The following HS3ST5 variants were observed in gnomAD, a reference collection of about 807,000 sequenced individuals.
HS3ST5 encodes the protein heparan sulfate-glucosamine 3-sulfotransferase 5, also known as heparan sulfate glucosamine 3-O-sulfotransferase 5.
A neutral mutation model predicts 25.4 loss-of-function variants in HS3ST5; 10 were observed. That is an observed-to-expected ratio of 0.39 (90% confidence interval 0.24 to 0.67). The LOEUF (loss-of-function observed/expected upper bound fraction) is 0.67, where lower values mean the gene tolerates loss of function less well. HS3ST5 is among the 30% of genes least tolerant of loss of function. The pLI, the probability that HS3ST5 is intolerant of heterozygous loss-of-function variation, is 0.44. For missense variants in HS3ST5, 324 were observed against 420.7 expected (o/e 0.77, Z 2.01); for synonymous variants, 170 against 162.4 (o/e 1.05, Z -0.36).
intron 1 of HS3ST5, among the ~76,000 whole-genome samples, chr6:114,309,440 T>A (rs1020256591): frequency 1.3e-5 from 2 of 152,176 alleles, no homozygotes; most frequent in African/African-American, 2.4e-5. Flanking sequence ...TGGCCAGGTG[T>A]GGTGGCTCAC....
At chr6:114,185,450 T>C (rs948937168) in intron 2 of HS3ST5, among the ~76,000 whole-genome samples, 2 of 152,224 alleles carry the variant, frequency 1.3e-5, no homozygotes, top group African/African-American at 4.8e-5. Flanking sequence ...TCTTGGACTT[T>C]CAGCTTCCAG....
At chr6:114,113,277 A>G (rs1028526568) in intron 3 of HS3ST5, among the ~76,000 whole-genome samples, 4 of 151,880 alleles carry the variant, frequency 2.6e-5, no homozygotes, top group African/African-American at 9.7e-5. Flanking sequence ...AGATTAAACT[A>G]TTTCTTCACC....
rs78019039 is a variant in HS3ST5, at chr6:114,260,149, A to C, written c.-338-31371T>G. 3.8e-3 allele frequency among the ~76,000 whole-genome samples: 577 copies of C among 151,964 alleles called. 5 individuals carry two copies. The highest frequency in any genetic ancestry group is 0.013 in the African/African-American group (521 of 41,524). ...AGAATCTTAATAAATTCAATATCAT[A>C]ATGTTTCTCTTATTGAATAAAAACT... On this transcript the variant is annotated intron_variant, in intron 1 of 4. Transcript: ENST00000312719.
Position 114,136,186 on chromosome 6 carries a change from C to T in HS3ST5, c.-33+32165G>A, listed in dbSNP as rs376493471. On this transcript the variant is annotated intron_variant, in intron 3 of 4. Coordinates refer to ENST00000312719, the MANE Select transcript of HS3ST5 (RefSeq NM_153612.4). ...CTTTGATATGGTTTGGCTGTGTCCC[C>T]ACCTAAATCTCATCTTGAATTGTAG... Among the ~76,000 whole-genome samples, 13 of 152,346 alleles carry T rather than the reference C, an allele frequency of 8.5e-5. No homozygotes were observed. The South Asian group carries it at 2.5e-3, about 29-fold the overall frequency.
rs373191564 is a variant in HS3ST5, at chr6:114,062,881, C to T, written c.-32-4G>A. 4.6e-6 allele frequency: 7 copies of T among 1,524,904 alleles called. No individual in the cohort carries two copies. Among genetic ancestry groups the T allele is most frequent in the Admixed American group, 1.7e-5 (1 of 59,418 alleles). 94.5% of individuals were successfully genotyped at this position (1,524,904 alleles called of 1,614,324 possible). On this transcript the variant is annotated splice_region_variant and splice_polypyrimidine_tract_variant and intron_variant, in intron 3 of 4. Transcript: ENST00000312719. ...CAACCTTCAGGACTGCTGCAGCCTG[C>T]GATAGAAGGACTCATCAGCAGCCAT...
chr6:114,270,229 T>A (rs1490786969), intron 1 of HS3ST5, among the ~76,000 whole-genome samples: 1 of 152,198 alleles, frequency 6.6e-6, no homozygotes, highest in African/African-American at 2.4e-5. Flanking sequence ...ATTTTGCTAA[T>A]ATAAAGGCAA....
intron 3 of HS3ST5, among the ~76,000 whole-genome samples, chr6:114,067,261 C>T (rs1257737372): frequency 2.0e-5 from 3 of 152,122 alleles, no homozygotes; most frequent in South Asian, 2.1e-4. Context: ...TAAATAATTA[C>T]AGGACCAAAG....
intron 3 of HS3ST5, chr6:114,116,132 T>C (rs1432795372): frequency 6.6e-6 from 1 of 152,120 alleles, no homozygotes; most frequent in Non-Finnish European, 1.5e-5. Flanking sequence ...AAAAAGACTT[T>C]GGCGTTCTCA....
chr6:114,229,123 C>T (rs1771449393), intron 1 of HS3ST5, among the ~76,000 whole-genome samples: 1 of 152,172 alleles, frequency 6.6e-6, no homozygotes, highest in African/African-American at 2.4e-5. Context: ...TATTTCTTTA[C>T]ATGAGGCTCT....
chr6:114,274,283 T>C (rs183646396), intron 1 of HS3ST5, among the ~76,000 whole-genome samples: 2 of 152,076 alleles, frequency 1.3e-5, no homozygotes, highest in Admixed American at 6.6e-5. Context: ...AGAGAAGATA[T>C]GTGGAGTTTT....
chr6:114,131,716 G>A (rs1053454825), intron 3 of HS3ST5, among the ~76,000 whole-genome samples: 28 of 152,122 alleles, frequency 1.8e-4, no homozygotes, highest in Non-Finnish European at 1.3e-4. Flanking sequence ...ATCTGATTAC[G>A]TTTCTTTTTA....
intron 1 of HS3ST5, among the ~76,000 whole-genome samples, chr6:114,332,611 G>A (rs1156749021): frequency 1.3e-5 from 2 of 152,118 alleles, no homozygotes; most frequent in Admixed American, 1.3e-4. Flanking sequence ...AGGCACTGGA[G>A]ATATAGGTAC....
At position 114,057,125 on chromosome 6, in the gene HS3ST5, C is replaced by T; in HGVS notation, c.*132G>A. 2 of 636,316 alleles carry T rather than the reference C, an allele frequency of 3.1e-6. No homozygotes were observed. Among genetic ancestry groups the T allele is most frequent in the East Asian group, 2.7e-5 (1 of 37,012 alleles). 39.4% of individuals were successfully genotyped at this position (636,316 alleles called of 1,614,324 possible). On this transcript the variant is annotated 3_prime_UTR_variant, in exon 5 of 5. Transcript: ENST00000312719. ...AAAGAACTGATCTTATATTTGGTCACACACTGCGTATGTACAAATATACAT... is the reference window on the plus strand; with the variant it reads ...AAAGAACTGATCTTATATTTGGTCATACACTGCGTATGTACAAATATACAT...
In HS3ST5 at chr6:114,174,114, T is replaced by C. The variant is rs1258519517; in HGVS notation, c.-144-5652A>G. Reference sequence around the variant, plus strand: ...TTCCCACTCTACCCTGCCTGGCCCATTCATTCATCCAGAGCTGCTTTCAAT... The same window carrying C: ...TTCCCACTCTACCCTGCCTGGCCCACTCATTCATCCAGAGCTGCTTTCAAT... On this transcript the variant is annotated intron_variant, in intron 2 of 4. Coordinates refer to ENST00000312719, the MANE Select transcript of HS3ST5 (RefSeq NM_153612.4). Among the ~76,000 whole-genome samples, 5 of 151,882 alleles carry C rather than the reference T, an allele frequency of 3.3e-5. No homozygotes were observed. The East Asian group carries it at 9.8e-4, about 30-fold the overall frequency.
intron 3 of HS3ST5, among the ~76,000 whole-genome samples, chr6:114,118,909 G>T (rs9488326): frequency 0.014 from 2,096 of 152,264 alleles, 34 homozygotes; most frequent in African/African-American, 0.044. Context: ...TCCAGATAGT[G>T]GCTGTTCTGT....
chr6:114,312,189 T>C (rs61544947), intron 1 of HS3ST5, among the ~76,000 whole-genome samples: 5,402 of 152,296 alleles, frequency 0.035, 320 homozygotes, highest in African/African-American at 0.12. Flanking sequence ...GAAGCTCTGG[T>C]CAAAATCTAA....
intron 2 of HS3ST5, among the ~76,000 whole-genome samples, chr6:114,206,494 C>T (rs1043481180): frequency 6.6e-6 from 1 of 152,088 alleles, no homozygotes; most frequent in African/African-American, 2.4e-5. Flanking sequence ...TTCTTATTAA[C>T]TCAGTTTTGG....
In HS3ST5 at chr6:114,073,909, A is replaced by G. The variant is rs543487385; in HGVS notation, c.-32-11032T>C. On this transcript the variant is annotated intron_variant, in intron 3 of 4. Transcript: ENST00000312719. ...TTGGAACCAACCCAAATGTCCATCAATGGTAGACTGGATAAAGAAAAAGTG... is the reference window on the plus strand; with the variant it reads ...TTGGAACCAACCCAAATGTCCATCAGTGGTAGACTGGATAAAGAAAAAGTG... Among the ~76,000 whole-genome samples the G allele has an allele frequency of 1.4e-4, 22 of 152,342 alleles. No homozygotes were observed. The East Asian group carries it at 3.3e-3, about 23-fold the overall frequency.
intron 1 of HS3ST5, among the ~76,000 whole-genome samples, chr6:114,235,461 G>C: frequency 6.6e-6 from 1 of 151,538 alleles, no homozygotes; most frequent in Non-Finnish European, 1.5e-5. Context: ...ACAAATGAGT[G>C]ACAGAAGAGT....
Sources: allele counts gnomAD v4.1 joint callset (sites outside exome capture counted in the v4.1 genomes callset), GRCh38; gene constraint gnomAD v4.1.1; transcripts MANE v1.5; gene names NCBI Gene and HGNC (gene_info 2026-07-23, HGNC 2026-07-21).